Variants in ZNF521 observed in about 807,000 individuals in gnomAD.
ZNF521 encodes zinc finger protein 521, also known as LYST-interacting protein 3.
Under a neutral mutation model 105.5 loss-of-function variants are expected in ZNF521, and 14 were observed. That is an observed-to-expected ratio of 0.13 (90% CI 0.09 to 0.21). The LOEUF (loss-of-function observed/expected upper bound fraction) is 0.21, where lower values mean the gene tolerates loss of function less well. ZNF521 is among the 10% of genes least tolerant of loss of function. The pLI is 1.00. For missense variants in ZNF521, 1,233 were observed against 1,629.7 expected, an observed-to-expected ratio of 0.76 and a Z score of 4.19; for synonymous variants, 635 against 606.0, an observed-to-expected ratio of 1.05 and a Z score of -0.70.
At chr18:25,283,922 TC>T (rs78019673) in intron 3 of ZNF521, among the ~76,000 whole-genome samples, 10,857 of 97,048 alleles carry the variant, frequency 0.11, 503 homozygotes, top group African/African-American at 0.18. Context: ...GCCAATACTT[TC>T]CCCCCCCCCC....
chr18:25,264,684 GTTTATT>G (rs1247867160), intron 3 of ZNF521, among the ~76,000 whole-genome samples: 1 of 151,976 alleles, frequency 6.6e-6, no homozygotes, highest in Non-Finnish European at 1.5e-5. Flanking sequence ...TCTTCATAAT[GTTTATT>G]TTTATGTTCA....
chr18:25,272,496 A>G (rs1018816311), intron 3 of ZNF521, among the ~76,000 whole-genome samples: 10 of 152,198 alleles, frequency 6.6e-5, no homozygotes, highest in Admixed American at 3.3e-4. Context: ...CCAATAGCAA[A>G]GACTTGGAAC....
At chr18:25,220,225 T>C (rs1905620188) in intron 4 of ZNF521, among the ~76,000 whole-genome samples, 1 of 152,234 alleles carries the variant, frequency 6.6e-6, no homozygotes, top group Admixed American at 6.5e-5. Flanking sequence ...GACAAGTGCT[T>C]AGAGACAATA....
intron 5 of ZNF521, among the ~76,000 whole-genome samples, chr18:25,164,464 T>G (rs1436315209): frequency 6.6e-6 from 1 of 152,246 alleles, no homozygotes; most frequent in Non-Finnish European, 1.5e-5. Context: ...AGGTTTCATA[T>G]TTATCATGCA....
At chr18:25,063,463 C>G (rs1200223757) in intron 7 of ZNF521, among the ~76,000 whole-genome samples, 1 of 152,116 alleles carries the variant, frequency 6.6e-6, no homozygotes, top group Admixed American at 6.5e-5. Flanking sequence ...ATTGGTGGTC[C>G]CTGCTCATCT....
At chr18:25,198,178 T>C (rs1388466446) in intron 4 of ZNF521, among the ~76,000 whole-genome samples, 1 of 151,784 alleles carries the variant, frequency 6.6e-6, no homozygotes, top group Non-Finnish European at 1.5e-5. Flanking sequence ...GGATTGTCAT[T>C]TCCTGATTGT....
intron 5 of ZNF521, among the ~76,000 whole-genome samples, chr18:25,182,031 C>CTTAT (rs929235310): frequency 2.0e-5 from 3 of 152,094 alleles, no homozygotes; most frequent in South Asian, 2.1e-4. Flanking sequence ...ACAGTTACCT[C>CTTAT]TTATTTATTT....
chr18:25,280,434 A>AG (rs1910294324), intron 3 of ZNF521, among the ~76,000 whole-genome samples: 1 of 151,718 alleles, frequency 6.6e-6, no homozygotes, highest in Non-Finnish European at 1.5e-5. Context: ...AAAAAAAAAA[A>AG]GAGCAAGATT....
At chr18:25,066,495 G>A (rs1230847932) in intron 7 of ZNF521, among the ~76,000 whole-genome samples, 2 of 152,220 alleles carry the variant, frequency 1.3e-5, no homozygotes, top group African/African-American at 2.4e-5. Context: ...GGTGAGAACA[G>A]ATGCGAAGTC....
At chr18:25,203,359 A>AT (rs1305475285) in intron 4 of ZNF521, among the ~76,000 whole-genome samples, 2 of 152,124 alleles carry the variant, frequency 1.3e-5, no homozygotes, top group Non-Finnish European at 2.9e-5. Flanking sequence ...GCTCATGCCT[A>AT]TAACTCCAGC....
rs1913071265 is a variant in ZNF521, at chr18:25,323,974, TTGGG to T, written c.41-1791_41-1788del. 2.0e-5 allele frequency among the ~76,000 whole-genome samples: 3 copies of T among 152,218 alleles called. No individual in the cohort carries two copies. In the South Asian group the frequency reaches 6.2e-4, roughly 32 times the overall value. On this transcript the variant is annotated intron_variant, in intron 2 of 7. Transcript: ENST00000361524. ...CTCAAAGAGCACGTAGTTTTGTTTG[TTGGG>T]TTTTTTCAAAATTAACACACTGTTT...
Position 25,205,545 on chromosome 18 carries a change from C to T in ZNF521, c.3574-10301G>A, listed in dbSNP as rs140769230. 5.9e-5 allele frequency among the ~76,000 whole-genome samples: 9 copies of T among 152,180 alleles called. No homozygotes were observed. In the East Asian group the frequency reaches 7.7e-4, roughly 13 times the overall value. Reference sequence around the variant, plus strand: ...TCACTGTTACCAAAATAAGGAGCTACGGCTGGTAGATATCAAGGATGGACA... The same window carrying T: ...TCACTGTTACCAAAATAAGGAGCTATGGCTGGTAGATATCAAGGATGGACA... On this transcript the variant is annotated intron_variant, in intron 4 of 7. Coordinates refer to ENST00000361524, the MANE Select transcript of ZNF521 (RefSeq NM_015461.3).
At chr18:25,097,369 A>G (rs1040367208) in intron 5 of ZNF521, among the ~76,000 whole-genome samples, 1 of 152,184 alleles carries the variant, frequency 6.6e-6, no homozygotes, top group African/African-American at 2.4e-5. Flanking sequence ...CCGGTAGATT[A>G]GTCATTAAGC....
At chr18:25,138,242 A>T (rs2034773625) in intron 5 of ZNF521, among the ~76,000 whole-genome samples, 1 of 152,216 alleles carries the variant, frequency 6.6e-6, no homozygotes, top group African/African-American at 2.4e-5. Context: ...CTCTCTCAGC[A>T]TCTGAAAACA....
At chr18:25,133,869 A>C (rs2034684145) in intron 5 of ZNF521, among the ~76,000 whole-genome samples, 1 of 152,064 alleles carries the variant, frequency 6.6e-6, no homozygotes, top group African/African-American at 2.4e-5. Flanking sequence ...TATTGATAAA[A>C]ATTCTGAGCC....
chr18:25,207,080 G>GA (rs60487171), intron 4 of ZNF521, among the ~76,000 whole-genome samples: 2 of 151,630 alleles, frequency 1.3e-5, no homozygotes, highest in Non-Finnish European at 2.9e-5. Context: ...TGAAAAATAG[G>GA]AAAAAAAATG....
At chr18:25,248,602 CTTTA>C (rs1907896645) in intron 3 of ZNF521, among the ~76,000 whole-genome samples, 1 of 152,148 alleles carries the variant, frequency 6.6e-6, no homozygotes, top group South Asian at 2.1e-4. Context: ...ACTTTTCTAG[CTTTA>C]TTTAAAGAAC....
intron 3 of ZNF521, among the ~76,000 whole-genome samples, chr18:25,312,681 G>T (rs1165968610): frequency 9.6e-6 from 1 of 103,768 alleles, no homozygotes; most frequent in Admixed American, 1.0e-4. Flanking sequence ...CGCGGTGGCG[G>T]GCGCCTGTAG....
intron 5 of ZNF521, among the ~76,000 whole-genome samples, chr18:25,094,120 T>A (rs2033805211): frequency 6.6e-6 from 1 of 152,182 alleles, no homozygotes; most frequent in Non-Finnish European, 1.5e-5. Flanking sequence ...TGTTCCAGAA[T>A]TTTAAAACTT....
Sources: allele counts gnomAD v4.1 joint callset (sites outside exome capture counted in the v4.1 genomes callset), GRCh38; gene constraint gnomAD v4.1.1; transcripts MANE v1.5; gene names NCBI Gene and HGNC (gene_info 2026-07-23, HGNC 2026-07-21).